Variants in AARS1 observed in about 807,000 individuals in gnomAD.
AARS1 encodes the protein alanyl-tRNA synthetase 1, also known as alanine--tRNA ligase, cytoplasmic.
A neutral mutation model predicts 108.9 loss-of-function variants in AARS1; 72 were observed. The ratio of observed to expected loss-of-function variants is 0.66; its 90% CI spans 0.55 to 0.80. The LOEUF (loss-of-function observed/expected upper bound fraction) is 0.80, where lower values mean the gene tolerates loss of function less well. Among genes scored for constraint, AARS1 ranks in the 30% least tolerant of loss-of-function variants. The pLI is 0.00. For synonymous variants in AARS1, 489 were observed against 465.7 expected (o/e 1.05, Z -0.64); for missense variants, 1,193 against 1,233.2 (o/e 0.97, Z 0.49).
At position 70,284,604 on chromosome 16, in the gene AARS1, C is replaced by CAA. The variant is rs547336245; in HGVS notation, c.-21-1822_-21-1821dup. 3.1e-4 allele frequency among the ~76,000 whole-genome samples: 47 copies of CAA among 152,068 alleles called. No homozygotes were observed. In the East Asian group the frequency reaches 5.6e-3, roughly 18 times the overall value. On this transcript the variant is annotated intron_variant, in intron 1 of 20. Coordinates refer to ENST00000261772, the MANE Select transcript of AARS1 (RefSeq NM_001605.3). ...GCGACAGAGACCTTGTGTCAACAAA[C>CAA]AAACAAAAACAAAAACAGCTCTTTC...
At chr16:70,253,890 C>T in intron 18 of AARS1, 29 bp downstream of exon 18, 1 of 1,614,180 alleles carries the variant, frequency 6.2e-7, no homozygotes, top group South Asian at 1.1e-5. Context: ...CTAGGAAACA[C>T]TCTGGCCACT....
At chr16:70,265,696 C>T (rs773150821) in intron 9 of AARS1, 34 bp from the exon 10 acceptor site, 1 of 1,588,938 alleles carries the variant, frequency 6.3e-7, no homozygotes, top group Non-Finnish European at 8.6e-7. Context: ...TCAAAAAAAA[C>T]AGACAGCCCC....
chr16:70,285,604 A>G (rs560657804), intron 1 of AARS1, among the ~76,000 whole-genome samples: 1 of 152,170 alleles, frequency 6.6e-6, no homozygotes, highest in African/African-American at 2.4e-5. Context: ...AAGTGCCACC[A>G]CACCCAGCTA....
In AARS1 at chr16:70,264,995, T is replaced by C; in HGVS notation, c.1455A>G (p.Pro485=). 1 of 1,614,134 alleles carries C rather than the reference T, an allele frequency of 6.2e-7. No homozygotes were observed. The highest frequency in any genetic ancestry group is 2.2e-5 in the East Asian group (1 of 44,878). ...TGGAGTCCAAATGGTAATTGTACTT[T>C]GGGGAATCATCTGTGACCTCCAGAC... The part of the protein sequence containing the change: ...ARGLEVTDDS[P]KYNYHLDSSG... The change falls in exon 11 of 21, where the codon CCA becomes CCG. Residue 485 remains proline, a synonymous_variant. Transcript: ENST00000261772.
chr16:70,258,083 GT>G lies in AARS1; in HGVS notation c.2126del (p.Asp709AlafsTer9). The G allele has an allele frequency of 6.2e-7, 1 of 1,614,130 alleles. No homozygotes were observed. Among genetic ancestry groups the G allele is most frequent in the Non-Finnish European group, 8.5e-7 (1 of 1,180,024 alleles). On this transcript the variant is annotated frameshift_variant, in exon 15 of 21. Coordinates refer to ENST00000261772, the MANE Select transcript of AARS1 (RefSeq NM_001605.3). LOFTEE classifies it high-confidence loss of function. Reference sequence around the variant, plus strand: ...TCAGGGAGCCAGCAGGCCCAGAGGGGTCATCCAGCAACTCGGACACCGGGAC... The same window carrying G: ...TCAGGGAGCCAGCAGGCCCAGAGGGGCATCCAGCAACTCGGACACCGGGAC... Reference protein sequence around the residue: ...IGVPVSELLDDPSGPAGSLTS... With the variant: ...IGVPVSELLDXPSGPAGSLTS...
chr16:70,261,020 G>A (rs766312978), intron 13 of AARS1, 24 bp downstream of exon 13: 2 of 1,547,838 alleles, frequency 1.3e-6, no homozygotes, highest in Non-Finnish European at 1.8e-6. Flanking sequence ...CAGATCCAAT[G>A]GGGGCCACAG....
chr16:70,265,353 A>G lies in AARS1; in HGVS notation c.1347+185T>C, dbSNP rs1960237240. 7 of 1,076,606 alleles carry G rather than the reference A, an allele frequency of 6.5e-6. No homozygotes were observed. The East Asian group carries it at 1.7e-4, about 26-fold the overall frequency. 66.7% of individuals were successfully genotyped at this position (1,076,606 alleles called of 1,614,324 possible). A position where few individuals can be genotyped will look rare whatever the true frequency, so the allele number is the denominator to read the frequency against. On this transcript the variant is annotated intron_variant, in intron 10 of 20. Transcript: ENST00000261772. ...TCTGCCCCTAGTTGTGAAAATCAAA[A>G]ATGTCTTCAGACATTATCGCCAATT...
In AARS1 at chr16:70,283,679, G is replaced by C. The variant is rs919301920; in HGVS notation, c.-21-895C>G. Among the ~76,000 whole-genome samples, 8 of 152,190 alleles carry C rather than the reference G, an allele frequency of 5.3e-5. No individual in the cohort carries two copies. In the East Asian group the frequency reaches 1.5e-3, roughly 29 times the overall value. The stretch of plus-strand genomic sequence containing the variant: ...GGCCTGATGTCATGGTGAGGCGGCT[G>C]TCAGCAGCAATAGTCCTGGGGATGG... On this transcript the variant is annotated intron_variant, in intron 1 of 20. Coordinates refer to ENST00000261772, the MANE Select transcript of AARS1 (RefSeq NM_001605.3).
At chr16:70,276,294 G>C in intron 4 of AARS1, 192 bp downstream of exon 4, 1 of 600,420 alleles carries the variant, frequency 1.7e-6, no homozygotes, top group Non-Finnish European at 3.0e-6. Flanking sequence ...GAGTGCAGTG[G>C]AGTGATCTCA....
intron 15 of AARS1, among the ~76,000 whole-genome samples, chr16:70,256,639 A>T (rs1269281534): frequency 6.6e-6 from 1 of 152,136 alleles, no homozygotes. Flanking sequence ...CTGTAGTCTA[A>T]AGGGTATGAG....
intron 4 of AARS1, among the ~76,000 whole-genome samples, chr16:70,275,557 T>TC (rs1960522180): frequency 6.6e-6 from 1 of 151,572 alleles, no homozygotes; most frequent in South Asian, 2.1e-4. Flanking sequence ...GGTCAGGAGA[T>TC]CGAGACCACC....
chr16:70,258,310 G>C, intron 14 of AARS1, 93 bp from the exon 15 acceptor site: 1 of 1,429,632 alleles, frequency 7.0e-7, no homozygotes, highest in Middle Eastern at 2.4e-4. Flanking sequence ...GGCAGGACTC[G>C]GGTTCCAACC....
rs774627811 is a variant in AARS1, at chr16:70,254,573, G to A, written c.2400+48C>T. 2.3e-6 allele frequency: 3 copies of A among 1,320,690 alleles called. No homozygotes were observed. In the East Asian group the frequency reaches 6.9e-5, roughly 30 times the overall value. The allele number at this position is 1,320,690 out of a possible 1,614,324, so 81.8% of individuals were successfully genotyped here. On this transcript the variant is annotated intron_variant, in intron 17 of 20. Coordinates refer to ENST00000261772, the MANE Select transcript of AARS1 (RefSeq NM_001605.3). ...AGATGATTTCCTGAAGACGGGGCAT[G>A]TTTCATGCACCAGGCCCTGAGGACG...
At chr16:70,258,847 G>A in intron 14 of AARS1, 133 bp downstream of exon 14, 3 of 1,093,658 alleles carry the variant, frequency 2.7e-6, no homozygotes, top group Non-Finnish European at 4.1e-6. Flanking sequence ...GAGCTACCGT[G>A]CCCAGCCTGC....
intron 5 of AARS1, among the ~76,000 whole-genome samples, chr16:70,271,557 C>G (rs1319493363): frequency 1.3e-5 from 2 of 151,738 alleles, no homozygotes; most frequent in Non-Finnish European, 2.9e-5. Context: ...AACAGCAGCC[C>G]GAAGTACAGC....
intron 12 of AARS1, 49 bp from the exon 13 acceptor site, chr16:70,261,206 C>T (rs763015941): frequency 1.4e-6 from 2 of 1,412,732 alleles, no homozygotes; most frequent in East Asian, 2.3e-5. Flanking sequence ...TAAAAACATA[C>T]AAATTTTCTT....
chr16:70,273,080 C>T (rs986128552), intron 4 of AARS1, among the ~76,000 whole-genome samples: 1 of 152,072 alleles, frequency 6.6e-6, no homozygotes, highest in African/African-American at 2.4e-5. Flanking sequence ...TACACTTAGA[C>T]TACAGAGTCA....
chr16:70,277,050 A>G lies in AARS1; in HGVS notation c.249T>C (p.Asn83=). 2 of 1,614,188 alleles carry G rather than the reference A, an allele frequency of 1.2e-6. No homozygotes were observed. The highest frequency in any genetic ancestry group is 1.7e-6 in the Non-Finnish European group (2 of 1,180,032). Reference sequence around the variant, plus strand: ...CATCCTTGCCCACATCGTCCAGGTCATTATGTTTGCCCCCAGCCCGGATGC... The same window carrying G: ...CATCCTTGCCCACATCGTCCAGGTCGTTATGTTTGCCCCCAGCCCGGATGC... ...QKCIRAGGKH[N]DLDDVGKDVY... is the part of the protein sequence containing the mutation. Residue 83 remains asparagine (N), a synonymous_variant, in exon 3 of 21, where the codon AAT becomes AAC. Coordinates refer to ENST00000261772, the MANE Select transcript of AARS1 (RefSeq NM_001605.3).
Position 70,255,829 on chromosome 16 carries a change from G to A in AARS1, c.2185C>T (p.Arg729Trp), listed in dbSNP as rs138081804. The change falls in exon 16 of 21, where the codon CGG (arginine) becomes TGG (tryptophan). Residue 729 changes from arginine (R) to tryptophan (W), a missense_variant. Coordinates refer to ENST00000261772, the MANE Select transcript of AARS1 (RefSeq NM_001605.3). ...SVEFCGGTHL[R>W]NSSHAGAFVI... is the part of the protein sequence containing the mutation. ...AAAGCTCCTGCATGACTCGAGTTCC[G>A]CAGGTGCCTGAATGGCAGAACACAA... The A allele has an allele frequency of 1.2e-3, 2,012 of 1,613,164 alleles. 3 individuals are homozygous for A. The highest frequency in any genetic ancestry group is 1.6e-3 in the Non-Finnish European group (1,918 of 1,179,574).
Sources: gnomAD v4.1 joint callset for allele counts (sites outside exome capture counted in the v4.1 genomes callset) on GRCh38, gnomAD v4.1.1 for gene constraint, MANE v1.5 for transcripts, NCBI Gene and HGNC (gene_info 2026-07-23, HGNC 2026-07-21) for gene names.